Variants in OPRD1 observed in about 807,000 individuals in gnomAD.
OPRD1 encodes delta-type opioid receptor.
Under a neutral mutation model 17.5 loss-of-function variants are expected in OPRD1, and 19 were observed. That is an observed-to-expected ratio of 1.09 (90% CI 0.76 to 1.60). OPRD1 has a LOEUF of 1.60. Among genes scored for constraint, OPRD1 ranks in the 40% most tolerant of loss-of-function variants. The pLI, the probability that OPRD1 is intolerant of heterozygous loss-of-function variation, is 0.00. For missense variants in OPRD1, 483 were observed against 547.2 expected (o/e 0.88, Z 1.17); for synonymous variants, 256 against 240.9 (o/e 1.06, Z -0.58).
chr1:28,830,463 G>A (rs2088800326), intron 1 of OPRD1, among the ~76,000 whole-genome samples: 1 of 152,286 alleles, frequency 6.6e-6, no homozygotes, highest in Middle Eastern at 3.4e-3. Flanking sequence ...GGTCGAGGCT[G>A]CAGTGGGCTG....
At chr1:28,847,643 G>A (rs1270244480) in intron 1 of OPRD1, among the ~76,000 whole-genome samples, 4 of 151,962 alleles carry the variant, frequency 2.6e-5, no homozygotes, top group African/African-American at 7.2e-5. Context: ...AGACCAGCCT[G>A]GACAACATGG....
At chr1:28,835,567 CTTGTT>C (rs2088844802) in intron 1 of OPRD1, among the ~76,000 whole-genome samples, 1 of 152,198 alleles carries the variant, frequency 6.6e-6, no homozygotes, top group Non-Finnish European at 1.5e-5. Context: ...CCCAGCTGGG[CTTGTT>C]TTGCCAGTCG....
chr1:28,846,896 TC>T, intron 1 of OPRD1, among the ~76,000 whole-genome samples: 1 of 38,504 alleles, frequency 2.6e-5, no homozygotes, highest in Non-Finnish European at 6.0e-5. Context: ...CTTTCTTTTC[TC>T]TTTCTTTCTT....
Position 28,864,165 on chromosome 1 carries a change from G to A in OPRD1, c.*882G>A, listed in dbSNP as rs546674799. ...TACCTGCAGGCCTAGCTCCTTGGAA[G>A]GTGAGAGGATCACTTGATCCCAGGA... On this transcript the variant is annotated 3_prime_UTR_variant, in exon 3 of 3. Transcript: ENST00000234961. The A allele has an allele frequency of 1.7e-4, 26 of 152,406 alleles. No individual in the cohort carries two copies. Among genetic ancestry groups the A allele is most frequent in the African/African-American group, 6.0e-4 (25 of 41,418 alleles). The allele number at this position is 152,406 out of a possible 1,614,324, so 9.4% of individuals were successfully genotyped here. A position where few individuals can be genotyped will look rare whatever the true frequency, so the allele number is the denominator to read the frequency against.
At position 28,812,411 on chromosome 1, in the gene OPRD1, G is replaced by A. The variant is rs751648549; in HGVS notation, c.28G>A (p.Glu10Lys). Residue 10 changes from glutamate (E) to lysine (K), a missense_variant, in exon 1 of 3, where the codon GAG (glutamate) becomes AAG (lysine). Glu to Lys is a moderately conservative substitution (Grantham distance 56). Coordinates refer to ENST00000234961, the MANE Select transcript of OPRD1 (RefSeq NM_000911.4). ...GGAACCGGCCCCCTCCGCCGGCGCC[G>A]AGCTGCAGCCCCCGCTCTTCGCCAA... MEPAPSAGA[E>K]LQPPLFANAS... 7.5e-6 allele frequency: 11 copies of A among 1,462,986 alleles called. No individual in the cohort carries two copies. In the South Asian group the frequency reaches 1.3e-4, roughly 17 times the overall value. The allele number at this position is 1,462,986 out of a possible 1,614,324, so 90.6% of individuals were successfully genotyped here.
At chr1:28,833,951 G>A (rs1000586241) in intron 1 of OPRD1, among the ~76,000 whole-genome samples, 1 of 152,088 alleles carries the variant, frequency 6.6e-6, no homozygotes, top group Non-Finnish European at 1.5e-5. Flanking sequence ...TTTTTTTGTT[G>A]CCCAGGCTGG....
chr1:28,856,373 C>T (rs1407082371), intron 1 of OPRD1, among the ~76,000 whole-genome samples: 2 of 152,188 alleles, frequency 1.3e-5, no homozygotes, highest in African/African-American at 2.4e-5. Context: ...AGATAAAGAT[C>T]GCTCAGATCT....
In OPRD1 at chr1:28,858,876, G is replaced by C. The variant is rs1288030361; in HGVS notation, c.228-78G>C. On this transcript the variant is annotated intron_variant, in intron 1 of 2. Coordinates refer to ENST00000234961, the MANE Select transcript of OPRD1 (RefSeq NM_000911.4). ...TGACCTTTTGCATGTCCTTAGGAAA[G>C]CTACTTCCCTTCCTTGAGTTTCATG... 2.9e-6 allele frequency: 4 copies of C among 1,384,454 alleles called. No homozygotes were observed. The East Asian group carries it at 9.2e-5, about 32-fold the overall frequency. The allele number at this position is 1,384,454 out of a possible 1,614,324, so 85.8% of individuals were successfully genotyped here. A position where few individuals can be genotyped will look rare whatever the true frequency, so the allele number is the denominator to read the frequency against.
At chr1:28,836,351 T>A (rs1383797303) in intron 1 of OPRD1, among the ~76,000 whole-genome samples, 2 of 151,862 alleles carry the variant, frequency 1.3e-5, no homozygotes, top group Non-Finnish European at 2.9e-5. Context: ...CCGTCTCCAC[T>A]AAAAATACAA....
chr1:28,814,609 C>T (rs549086833), intron 1 of OPRD1, among the ~76,000 whole-genome samples: 1 of 152,284 alleles, frequency 6.6e-6, no homozygotes, highest in East Asian at 1.9e-4. Context: ...AACCTTTTCC[C>T]CGGGGCCTCT....
At position 28,864,430 on chromosome 1, in the gene OPRD1, A is replaced by G. The variant is rs204075; in HGVS notation, c.*1147A>G. On this transcript the variant is annotated 3_prime_UTR_variant, in exon 3 of 3. Coordinates refer to ENST00000234961, the MANE Select transcript of OPRD1 (RefSeq NM_000911.4). ...CAGGACAGCAGAGCGGGGGGCAGCC[A>G]CTCCAGGATAGGGTAATAAGACAGG... 0.13 allele frequency: 19,069 copies of G among 151,882 alleles called. 1,499 individuals carry two copies. The highest frequency in any genetic ancestry group is 0.22 in the South Asian group (1,075 of 4,792). The allele number at this position is 151,882 out of a possible 1,614,324, so 9.4% of individuals were successfully genotyped here.
At chr1:28,829,850 C>T (rs1468990354) in intron 1 of OPRD1, among the ~76,000 whole-genome samples, 1 of 152,160 alleles carries the variant, frequency 6.6e-6, no homozygotes, top group Admixed American at 6.5e-5. Context: ...GCTGGAACTA[C>T]AGGTGCGCAC....
At chr1:28,856,138 A>G (rs1443544343) in intron 1 of OPRD1, among the ~76,000 whole-genome samples, 2 of 152,208 alleles carry the variant, frequency 1.3e-5, no homozygotes, top group African/African-American at 4.8e-5. Flanking sequence ...GGTGGTGGAA[A>G]GAGGGAGCGT....
intron 1 of OPRD1, among the ~76,000 whole-genome samples, chr1:28,821,362 C>T (rs923611682): frequency 7.9e-5 from 12 of 152,274 alleles, no homozygotes; most frequent in Admixed American, 4.6e-4. Flanking sequence ...CCTGCCTTGG[C>T]CTCCCAAAGT....
intron 1 of OPRD1, among the ~76,000 whole-genome samples, chr1:28,846,161 C>A (rs1053484384): frequency 2.0e-5 from 3 of 152,218 alleles, no homozygotes; most frequent in Non-Finnish European, 4.4e-5. Flanking sequence ...CTCTTTCCTG[C>A]TACAGGGACT....
chr1:28,828,259 C>T (rs113350573), intron 1 of OPRD1, among the ~76,000 whole-genome samples: 1 of 152,180 alleles, frequency 6.6e-6, no homozygotes, highest in Admixed American at 6.6e-5. Context: ...TGTACATCTC[C>T]ATCAGAGCTC....
At chr1:28,848,145 A>T (rs1257048869) in intron 1 of OPRD1, among the ~76,000 whole-genome samples, 2 of 151,950 alleles carry the variant, frequency 1.3e-5, no homozygotes, top group Non-Finnish European at 2.9e-5. Context: ...GCTACTCAGG[A>T]GGCTGAGAAA....
rs746805966 is a variant in OPRD1, at chr1:28,859,318, G to A, written c.577+15G>A. 1.3e-6 allele frequency: 2 copies of A among 1,598,774 alleles called. No homozygotes were observed. Among genetic ancestry groups the A allele is most frequent in the African/African-American group, 2.7e-5 (2 of 74,832 alleles). ...CCGTCCCCGGGGTGAGTGAGTGAGT[G>A]CACCATGGCACAGGCCACTGACCAC... On this transcript the variant is annotated intron_variant, in intron 2 of 2. Transcript: ENST00000234961.
At chr1:28,815,174 G>T (rs143996416) in intron 1 of OPRD1, among the ~76,000 whole-genome samples, 3,369 of 152,218 alleles carry the variant, frequency 0.022, 56 homozygotes, top group Middle Eastern at 0.044. Flanking sequence ...CTGGAGCGTC[G>T]CAATCACAGC....
Sources: gnomAD v4.1 joint callset for allele counts (sites outside exome capture counted in the v4.1 genomes callset) on GRCh38, gnomAD v4.1.1 for gene constraint, MANE v1.5 for transcripts, NCBI Gene and HGNC (gene_info 2026-07-23, HGNC 2026-07-21) for gene names.